Variants in ALK observed in about 807,000 individuals in gnomAD.
ALK encodes ALK tyrosine kinase receptor.
A neutral mutation model predicts 163.1 loss-of-function variants in ALK; 74 were observed. The ratio of observed to expected loss-of-function variants is 0.45; its 90% CI spans 0.38 to 0.55. The LOEUF (loss-of-function observed/expected upper bound fraction) is 0.55. Among genes scored for constraint, ALK ranks in the 20% least tolerant of loss-of-function variants. ALK has a pLI of 0.00. For missense variants in ALK, 2,063 were observed against 2,105.3 expected (o/e 0.98, Z 0.39); for synonymous variants, 960 against 843.2 (o/e 1.14, Z -2.40).
intron 4 of ALK, among the ~76,000 whole-genome samples, chr2:29,477,954 G>A (rs1474395349): frequency 2.0e-5 from 3 of 152,224 alleles, no homozygotes; most frequent in African/African-American, 4.8e-5. Flanking sequence ...CAGATAACAC[G>A]TTGATTTTAA....
At chr2:29,862,032 G>A (rs1328690411) in intron 1 of ALK, among the ~76,000 whole-genome samples, 6 of 151,974 alleles carry the variant, frequency 3.9e-5, no homozygotes, top group South Asian at 2.1e-4. Context: ...AAAATCATAC[G>A]ATTATATCAA....
At chr2:29,692,909 A>C (rs1678444392) in intron 3 of ALK, among the ~76,000 whole-genome samples, 1 of 152,268 alleles carries the variant, frequency 6.6e-6, no homozygotes, top group South Asian at 2.1e-4. Context: ...TATAGTACCA[A>C]AAGCAAATGA....
At chr2:29,720,623 T>C (rs571439679) in intron 1 of ALK, among the ~76,000 whole-genome samples, 1 of 152,296 alleles carries the variant, frequency 6.6e-6, no homozygotes, top group South Asian at 2.1e-4. Context: ...ATCGGAAGCA[T>C]TGGAACAGAA....
In ALK at chr2:29,701,294, T is replaced by C. The variant is rs1339061228; in HGVS notation, c.788-6280A>G. ...AATCCTACTAGTTTTCTAAATCACC[T>C]TGGGTCAGTTTCAAGGTAGAGGACC... On this transcript the variant is annotated intron_variant, in intron 2 of 28. Transcript: ENST00000389048. 3.3e-5 allele frequency among the ~76,000 whole-genome samples: 5 copies of C among 152,184 alleles called. No homozygotes were observed. The East Asian group carries it at 7.7e-4, about 23-fold the overall frequency.
chr2:29,200,790 C>T lies in ALK; in HGVS notation c.3939-3114G>A, dbSNP rs1360715391. Among the ~76,000 whole-genome samples the T allele has an allele frequency of 2.1e-3, 131 of 61,188 alleles. 2 individuals are homozygous for T. Among genetic ancestry groups the T allele is most frequent in the Middle Eastern group, 9.4e-3 (1 of 106 alleles). 40.1% of individuals were successfully genotyped at this position (61,188 alleles called of 152,430 possible). The stretch of plus-strand genomic sequence containing the variant: ...ATATATACGTATATATATGTATATA[C>T]ATGTATACATATATATGTGTGTATA... On this transcript the variant is annotated intron_variant, in intron 26 of 28. Transcript: ENST00000389048.
chr2:29,659,745 C>T (rs1677293447), intron 3 of ALK, among the ~76,000 whole-genome samples: 1 of 152,176 alleles, frequency 6.6e-6, no homozygotes. Flanking sequence ...TTGTCTTATT[C>T]TGTCTTGTAT....
At chr2:29,667,429 C>T (rs774496785) in intron 3 of ALK, among the ~76,000 whole-genome samples, 3 of 151,916 alleles carry the variant, frequency 2.0e-5, no homozygotes, top group Admixed American at 6.6e-5. Flanking sequence ...TTTTCCTATT[C>T]GGTACAATGT....
chr2:29,576,448 G>T (rs991690271), intron 3 of ALK, among the ~76,000 whole-genome samples: 1 of 152,214 alleles, frequency 6.6e-6, no homozygotes, highest in African/African-American at 2.4e-5. Context: ...AACTGTCAAT[G>T]CCAACTTGGT....
In ALK at chr2:29,347,967, G is replaced by A. The variant is rs554257602; in HGVS notation, c.1283-19486C>T. 7.9e-5 allele frequency among the ~76,000 whole-genome samples: 12 copies of A among 152,204 alleles called. No individual in the cohort carries two copies. The South Asian group carries it at 2.3e-3, about 29-fold the overall frequency. ...GCAAATTACATTGGTGCTGGTTCTG[G>A]GACTACACCTTAAGAACCTCTGCCA... On this transcript the variant is annotated intron_variant, in intron 5 of 28. Coordinates refer to ENST00000389048, the MANE Select transcript of ALK (RefSeq NM_004304.5).
intron 1 of ALK, among the ~76,000 whole-genome samples, chr2:29,791,027 G>C (rs187068366): frequency 6.6e-6 from 1 of 152,300 alleles, no homozygotes; most frequent in Admixed American, 6.5e-5. Flanking sequence ...CTCTTGGCAA[G>C]TCTCTTCCTT....
intron 8 of ALK, among the ~76,000 whole-genome samples, chr2:29,300,443 G>GGAGGCT: frequency 6.6e-6 from 1 of 151,854 alleles, no homozygotes; most frequent in Non-Finnish European, 1.5e-5. Context: ...CAGCTACTCA[G>GGAGGCT]GAGGCTGAGG....
chr2:29,565,106 C>G (rs1674141782), intron 3 of ALK, among the ~76,000 whole-genome samples: 1 of 152,232 alleles, frequency 6.6e-6, no homozygotes. Context: ...ATGTACAACT[C>G]TAGGTGACAA....
At chr2:29,284,817 A>G (rs1037784916) in intron 9 of ALK, among the ~76,000 whole-genome samples, 2 of 152,210 alleles carry the variant, frequency 1.3e-5, no homozygotes, top group Admixed American at 1.3e-4. Flanking sequence ...ATTTCTATAT[A>G]TCAATGCCTG....
chr2:29,232,571 A>T, intron 14 of ALK, 123 bp from the exon 15 acceptor site: 1 of 1,352,108 alleles, frequency 7.4e-7, no homozygotes, highest in Non-Finnish European at 1.0e-6. Context: ...GTGACCTCTC[A>T]GTGGTCTGAG....
At chr2:29,283,491 T>C (rs1238847963) in intron 9 of ALK, among the ~76,000 whole-genome samples, 2 of 152,148 alleles carry the variant, frequency 1.3e-5, no homozygotes, top group African/African-American at 2.4e-5. Flanking sequence ...GGTACCGAGA[T>C]GGCAGCACTG....
intron 4 of ALK, among the ~76,000 whole-genome samples, chr2:29,425,750 C>T (rs1670121090): frequency 6.6e-6 from 1 of 152,182 alleles, no homozygotes; most frequent in Non-Finnish European, 1.5e-5. Context: ...TCAAAGTTCT[C>T]CCCAAAGCAA....
intron 5 of ALK, among the ~76,000 whole-genome samples, chr2:29,371,729 G>C (rs979476557): frequency 6.6e-6 from 1 of 152,192 alleles, no homozygotes; most frequent in African/African-American, 2.4e-5. Context: ...CCCCCTGCTA[G>C]TCTCTGGTGT....
intron 3 of ALK, among the ~76,000 whole-genome samples, chr2:29,598,901 C>G (rs144211427): frequency 6.6e-6 from 1 of 151,944 alleles, no homozygotes; most frequent in Admixed American, 6.6e-5. Flanking sequence ...TTACAAGGCA[C>G]CTTAAGCCAT....
chr2:29,780,011 C>T (rs1681289581), intron 1 of ALK, among the ~76,000 whole-genome samples: 1 of 152,200 alleles, frequency 6.6e-6, no homozygotes. Context: ...ATGCTGAGAA[C>T]CAAATAACCA....
Sources: gnomAD v4.1 joint callset for allele counts (sites outside exome capture counted in the v4.1 genomes callset) on GRCh38, gnomAD v4.1.1 for gene constraint, MANE v1.5 for transcripts, NCBI Gene and HGNC (gene_info 2026-07-23, HGNC 2026-07-21) for gene names.